Variants in SH3GL3 observed in about 807,000 individuals in gnomAD.
The protein encoded by SH3GL3 is SH3 domain containing GRB2 like 3, endophilin A3.
Under a neutral mutation model 47.7 loss-of-function variants are expected in SH3GL3, and 33 were observed. That is an observed-to-expected ratio of 0.69 (90% confidence interval 0.52 to 0.92). The LOEUF (loss-of-function observed/expected upper bound fraction) is 0.92. Ranked by LOEUF, SH3GL3 falls within the 40% of genes least tolerant of loss-of-function variation. The pLI, the probability that SH3GL3 is intolerant of heterozygous loss-of-function variation, is 0.00. For missense variants in SH3GL3, 363 were observed against 417.8 expected (o/e 0.87, Z 1.14); for synonymous variants, 155 against 148.8 (o/e 1.04, Z -0.30).
chr15:83,616,968 C>A (rs551575297), intron 8 of SH3GL3, among the ~76,000 whole-genome samples: 1 of 152,252 alleles, frequency 6.6e-6, no homozygotes, highest in African/African-American at 2.4e-5. Flanking sequence ...GATATTCACC[C>A]TAGCTTGTAC....
chr15:83,510,784 C>T (rs1392194756), intron 1 of SH3GL3, among the ~76,000 whole-genome samples: 2 of 151,840 alleles, frequency 1.3e-5, no homozygotes, highest in Non-Finnish European at 2.9e-5. Flanking sequence ...TCCTGGCAGC[C>T]AAAGTGGAAA....
chr15:83,497,052 A>AT (rs2042109038), intron 1 of SH3GL3, among the ~76,000 whole-genome samples: 2 of 152,004 alleles, frequency 1.3e-5, no homozygotes, highest in Non-Finnish European at 1.5e-5. Context: ...GCCCTCTAAC[A>AT]TCTGTCTTCT....
At chr15:83,450,926 G>T (rs1595994726) in intron 1 of SH3GL3, among the ~76,000 whole-genome samples, 1 of 128,002 alleles carries the variant, frequency 7.8e-6, no homozygotes, top group African/African-American at 3.0e-5. Flanking sequence ...TCTAGCATTA[G>T]GTATATCTCC....
intron 1 of SH3GL3, among the ~76,000 whole-genome samples, chr15:83,458,573 G>A (rs1272990564): frequency 1.3e-5 from 2 of 152,158 alleles, no homozygotes; most frequent in Non-Finnish European, 2.9e-5. Context: ...TCTGATATCC[G>A]AGTCAAATCT....
At chr15:83,614,767 G>A (rs1208204992) in intron 8 of SH3GL3, among the ~76,000 whole-genome samples, 2 of 152,092 alleles carry the variant, frequency 1.3e-5, no homozygotes, top group East Asian at 3.9e-4. Flanking sequence ...AGATATAGGC[G>A]CTACTCCATG....
At chr15:83,561,431 T>TA (rs1225495247) in intron 2 of SH3GL3, among the ~76,000 whole-genome samples, 1 of 152,182 alleles carries the variant, frequency 6.6e-6, no homozygotes, top group Admixed American at 6.5e-5. Context: ...AAACCTGTGA[T>TA]ATGTGGCTAA....
intron 1 of SH3GL3, among the ~76,000 whole-genome samples, chr15:83,506,115 T>A (rs2042489860): frequency 6.6e-6 from 1 of 152,224 alleles, no homozygotes; most frequent in Non-Finnish European, 1.5e-5. Context: ...ATTTTATTAG[T>A]CTTTGCCATT....
At chr15:83,629,131 T>G in the SH3GL3 span, among the ~76,000 whole-genome samples, 3 of 152,232 alleles carry the variant, frequency 2.0e-5, no homozygotes, top group Non-Finnish European at 4.4e-5. Flanking sequence ...TACCATATAT[T>G]GTTAAACTAT....
chr15:83,569,957 C>T (rs1227093778), intron 4 of SH3GL3, among the ~76,000 whole-genome samples: 1 of 152,148 alleles, frequency 6.6e-6, no homozygotes, highest in Non-Finnish European at 1.5e-5. Flanking sequence ...AAGCATTTGC[C>T]TTCAGACCTT....
At chr15:83,574,883 G>C (rs2059633438) in intron 5 of SH3GL3, among the ~76,000 whole-genome samples, 1 of 152,110 alleles carries the variant, frequency 6.6e-6, no homozygotes. Context: ...GAAGCTGTTT[G>C]TTCTTTCGCT....
intron 1 of SH3GL3, among the ~76,000 whole-genome samples, chr15:83,536,340 T>A (rs1596203868): frequency 6.6e-6 from 1 of 152,086 alleles, no homozygotes; most frequent in African/African-American, 2.4e-5. Context: ...CTGTTTCCTG[T>A]CTCATGTTCT....
At chr15:83,542,150 G>A (rs2044198201) in intron 1 of SH3GL3, among the ~76,000 whole-genome samples, 1 of 152,136 alleles carries the variant, frequency 6.6e-6, no homozygotes, top group Non-Finnish European at 1.5e-5. Context: ...TTTGTATATG[G>A]TGAGAGATAG....
At chr15:83,563,821 A>G (rs768180643) in intron 2 of SH3GL3, among the ~76,000 whole-genome samples, 1 of 152,076 alleles carries the variant, frequency 6.6e-6, no homozygotes, top group Non-Finnish European at 1.5e-5. Context: ...GCATTTTTGT[A>G]GAGATAGGAT....
intron 7 of SH3GL3, among the ~76,000 whole-genome samples, chr15:83,587,479 C>G (rs1402203998): frequency 7.5e-6 from 1 of 132,854 alleles, no homozygotes; most frequent in Non-Finnish European, 1.5e-5. Flanking sequence ...ACATCCAGAG[C>G]TATGGAAAAA....
At chr15:83,544,095 C>G (rs1302623247) in intron 1 of SH3GL3, among the ~76,000 whole-genome samples, 1 of 151,344 alleles carries the variant, frequency 6.6e-6, no homozygotes, top group African/African-American at 2.4e-5. Context: ...TTAGATGCAT[C>G]ATTAGGTTAT....
intron 5 of SH3GL3, 37 bp from the exon 6 acceptor site, chr15:83,576,546 T>TGCC: frequency 6.5e-7 from 1 of 1,550,274 alleles, no homozygotes; most frequent in Non-Finnish European, 8.7e-7. Context: ...GTTTTGAATG[T>TGCC]AGCACCTCTC....
chr15:83,540,530 C>T (rs142584127), intron 1 of SH3GL3, among the ~76,000 whole-genome samples: 4 of 152,034 alleles, frequency 2.6e-5, no homozygotes, highest in African/African-American at 9.6e-5. Flanking sequence ...GTTCTTTATT[C>T]TAGTAATAAT....
chr15:83,472,502 A>G (rs954171938), intron 1 of SH3GL3, among the ~76,000 whole-genome samples: 1 of 151,794 alleles, frequency 6.6e-6, no homozygotes, highest in Admixed American at 6.6e-5. Context: ...TCTGTGGGTG[A>G]GATATAGGCT....
intron 4 of SH3GL3, among the ~76,000 whole-genome samples, chr15:83,571,047 T>C (rs147358694): frequency 2.6e-5 from 4 of 152,282 alleles, no homozygotes; most frequent in East Asian, 1.9e-4. Flanking sequence ...CAGGAACAGA[T>C]GGATTTCTGC....
Sources: allele counts gnomAD v4.1 joint callset (sites outside exome capture counted in the v4.1 genomes callset), GRCh38; gene constraint gnomAD v4.1.1; transcripts MANE v1.5; gene names NCBI Gene and HGNC (gene_info 2026-07-23, HGNC 2026-07-21).